Variants in SPACA7 observed in about 807,000 individuals in gnomAD.
SPACA7 encodes the protein sperm acrosome-associated protein 7.
Under a neutral mutation model 26.3 loss-of-function variants are expected in SPACA7, and 19 were observed. That is an observed-to-expected ratio of 0.72 (90% CI 0.50 to 1.06). The LOEUF (loss-of-function observed/expected upper bound fraction) is 1.06. Among genes scored for constraint, SPACA7 ranks in the 50% least tolerant of loss-of-function variants. The pLI is 0.00. For missense variants in SPACA7, 211 were observed against 229.9 expected (o/e 0.92, Z 0.53); for synonymous variants, 84 against 84.5 (o/e 0.99, Z 0.04).
At chr13:112,406,937 C>G (rs1326893950) in intron 5 of SPACA7, among the ~76,000 whole-genome samples, 4 of 152,300 alleles carry the variant, frequency 2.6e-5, no homozygotes, top group Non-Finnish European at 5.9e-5. Flanking sequence ...CCACATCACA[C>G]TTATTCCAAA....
At chr13:112,431,859 C>A (rs1460331256) in intron 5 of SPACA7, among the ~76,000 whole-genome samples, 4 of 152,176 alleles carry the variant, frequency 2.6e-5, no homozygotes, top group African/African-American at 9.7e-5. Context: ...GCCTCCCACC[C>A]AACAGCTGCA....
Position 112,434,623 on chromosome 13 carries a change from C to G in SPACA7, c.*74C>G. ...CCACCCACCAGCCTCCGGAACAGGGCACTTGTGTGCACACGCCCACGTTCT... is the reference window on the plus strand; with the variant it reads ...CCACCCACCAGCCTCCGGAACAGGGGACTTGTGTGCACACGCCCACGTTCT... On this transcript the variant is annotated 3_prime_UTR_variant, in exon 7 of 7. Transcript: ENST00000283550. 8.5e-7 allele frequency: 1 copy of G among 1,179,862 alleles called. No homozygotes were observed. The highest frequency in any genetic ancestry group is 1.2e-6 in the Non-Finnish European group (1 of 809,734). 73.1% of individuals were successfully genotyped at this position (1,179,862 alleles called of 1,614,324 possible).
At chr13:112,424,321 C>T (rs1383148241) in intron 5 of SPACA7, among the ~76,000 whole-genome samples, 1 of 152,210 alleles carries the variant, frequency 6.6e-6, no homozygotes, top group Non-Finnish European at 1.5e-5. Flanking sequence ...TTAGCCTTCT[C>T]ATCACACTGA....
At chr13:112,383,111 AAAAGAAAAGAAAAGAAAGAAAGAAAG>A (rs771900611) in intron 1 of SPACA7, among the ~76,000 whole-genome samples, 13,975 of 78,124 alleles carry the variant, frequency 0.18, 1,384 homozygotes, top group Non-Finnish European at 0.2. Context: ...GAAAGAAAAG[AAAAGAAAAGAAAAGAAAGAAAGAAAG>A]AAAGAAAGAA....
chr13:112,387,056 C>T (rs904893571), intron 1 of SPACA7, among the ~76,000 whole-genome samples: 2 of 152,210 alleles, frequency 1.3e-5, no homozygotes, highest in African/African-American at 4.8e-5. Context: ...AAGACTAGAA[C>T]CCAGGCCACC....
chr13:112,385,178 T>C lies in SPACA7; in HGVS notation c.95-7843T>C, dbSNP rs561789449. Among the ~76,000 whole-genome samples, 9 of 152,340 alleles carry C rather than the reference T, an allele frequency of 5.9e-5. No homozygotes were observed. The East Asian group carries it at 1.7e-3, about 29-fold the overall frequency. On this transcript the variant is annotated intron_variant, in intron 1 of 6. Transcript: ENST00000283550. ...AGAATTTTGTATAAGATTAACCCTT[T>C]ACAAACCCTTTTCACTTTGCTTAAA... is the stretch of plus-strand genomic sequence containing the variant.
intron 1 of SPACA7, among the ~76,000 whole-genome samples, chr13:112,379,898 G>C (rs1343549683): frequency 6.6e-6 from 1 of 152,176 alleles, no homozygotes; most frequent in East Asian, 1.9e-4. Flanking sequence ...ATCCATTTAA[G>C]TTAAATGACA....
At chr13:112,381,463 A>C (rs1245561681) in intron 1 of SPACA7, among the ~76,000 whole-genome samples, 1 of 148,630 alleles carries the variant, frequency 6.7e-6, no homozygotes, top group African/African-American at 2.5e-5. Context: ...CCTGCACTCC[A>C]GCCTGGCTGA....
intron 2 of SPACA7, among the ~76,000 whole-genome samples, chr13:112,396,206 G>A (rs2138934192): frequency 6.6e-6 from 1 of 151,088 alleles, no homozygotes; most frequent in East Asian, 1.9e-4. Context: ...GACAGGTCAG[G>A]GACTGTGGGT....
chr13:112,409,677 C>T (rs1886219881), intron 5 of SPACA7, among the ~76,000 whole-genome samples: 1 of 152,210 alleles, frequency 6.6e-6, no homozygotes, highest in Non-Finnish European at 1.5e-5. Flanking sequence ...TACCATCTCA[C>T]ACCAGTTAGA....
intron 5 of SPACA7, among the ~76,000 whole-genome samples, chr13:112,430,825 C>T (rs1004544449): frequency 4.6e-5 from 7 of 152,182 alleles, no homozygotes; most frequent in Non-Finnish European, 1.0e-4. Flanking sequence ...CTAGAGATTA[C>T]AAATAAGCAA....
intron 1 of SPACA7, among the ~76,000 whole-genome samples, chr13:112,377,681 T>G (rs1883780180): frequency 6.6e-6 from 1 of 152,258 alleles, no homozygotes; most frequent in East Asian, 1.9e-4. Flanking sequence ...CAAGGCCTAG[T>G]CAAAGAGAAG....
At chr13:112,403,723 T>C (rs1283026674) in intron 5 of SPACA7, among the ~76,000 whole-genome samples, 1 of 152,222 alleles carries the variant, frequency 6.6e-6, no homozygotes, top group Non-Finnish European at 1.5e-5. Context: ...TGGTCTCCAG[T>C]TCCATCCAGG....
At position 112,418,725 on chromosome 13, in the gene SPACA7, A is replaced by G. The variant is rs79190736; in HGVS notation, c.446-13719A>G. ...AAAACACAAACTTATGGGAAGCAAT[A>G]TGCCATGGATAATAAGCAGCAGGCA... On this transcript the variant is annotated intron_variant, in intron 5 of 6. Transcript: ENST00000283550. Among the ~76,000 whole-genome samples, 505 of 152,362 alleles carry G rather than the reference A, an allele frequency of 3.3e-3. 1 individual carries two copies. Among genetic ancestry groups the G allele is most frequent in the African/African-American group, 0.012 (482 of 41,578 alleles).
At chr13:112,399,981 C>CA (rs1763594761) in intron 4 of SPACA7, among the ~76,000 whole-genome samples, 1 of 152,154 alleles carries the variant, frequency 6.6e-6, no homozygotes, top group African/African-American at 2.4e-5. Flanking sequence ...ATGAGAACAG[C>CA]AAGGAGCAAC....
In SPACA7 at chr13:112,401,128, G is replaced by A. The variant is rs1360154040; in HGVS notation, c.409G>A (p.Val137Met). 1.3e-5 allele frequency: 21 copies of A among 1,614,028 alleles called. No homozygotes were observed. The highest frequency in any genetic ancestry group is 1.8e-5 in the Non-Finnish European group (21 of 1,180,032). Residue 137 changes from valine (V) to methionine (M), a missense_variant, in exon 5 of 7, where the codon GTG becomes ATG. Val to Met is a conservative substitution (Grantham distance 21). Transcript: ENST00000283550. ...DPSENYRGPQ[V>M]SPGSEKSVSS... is the part of the protein sequence containing the mutation. ...TTCTGAGAATTATCGTGGGCCACAG[G>A]TGTCTCCTGGCAGTGAGAAGAGTGT...
intron 1 of SPACA7, among the ~76,000 whole-genome samples, chr13:112,384,389 G>A (rs1029186590): frequency 6.6e-6 from 1 of 151,804 alleles, no homozygotes; most frequent in Non-Finnish European, 1.5e-5. Flanking sequence ...ACATAATTTT[G>A]GAACATATAT....
At chr13:112,394,197 A>T (rs1297275308) in intron 2 of SPACA7, among the ~76,000 whole-genome samples, 2 of 152,100 alleles carry the variant, frequency 1.3e-5, no homozygotes, top group Non-Finnish European at 2.9e-5. Flanking sequence ...CAGTGCCTGC[A>T]CTTCTGCTCT....
chr13:112,423,544 C>A (rs1594323167), intron 5 of SPACA7, among the ~76,000 whole-genome samples: 2 of 152,064 alleles, frequency 1.3e-5, no homozygotes, highest in East Asian at 3.9e-4. Context: ...GGAAGGTGAA[C>A]CTGAGGCATA....
Sources: allele counts gnomAD v4.1 joint callset (sites outside exome capture counted in the v4.1 genomes callset), GRCh38; gene constraint gnomAD v4.1.1; transcripts MANE v1.5; gene names NCBI Gene and HGNC (gene_info 2026-07-23, HGNC 2026-07-21).